UIMC1: variants seen among roughly 807,000 people sequenced by gnomAD.
UIMC1 encodes the protein ubiquitin interaction motif containing 1.
In UIMC1, 42 loss-of-function variants were observed where a neutral mutation model predicts 84.9. The ratio of observed to expected loss-of-function variants is 0.49; its 90% CI spans 0.39 to 0.64. The LOEUF (loss-of-function observed/expected upper bound fraction) is 0.64. Ranked by LOEUF, UIMC1 falls within the 30% of genes least tolerant of loss-of-function variation. The pLI, the probability that UIMC1 is intolerant of heterozygous loss-of-function variation, is 0.00. For missense variants in UIMC1, 825 were observed against 847.6 expected (o/e 0.97, Z 0.33); for synonymous variants, 281 against 293.0 (o/e 0.96, Z 0.42).
intron 1 of UIMC1, among the ~76,000 whole-genome samples, chr5:176,989,135 G>C (rs1444921339): frequency 1.3e-5 from 2 of 151,690 alleles, no homozygotes; most frequent in Admixed American, 1.3e-4. Flanking sequence ...TACTCCTAAG[G>C]GGGTTGTTAC....
intron 1 of UIMC1, among the ~76,000 whole-genome samples, chr5:177,021,182 G>A (rs189191601): frequency 3.3e-5 from 5 of 152,280 alleles, no homozygotes; most frequent in East Asian, 1.9e-4. Flanking sequence ...GGAGGCTGAG[G>A]CTGGAGAATT....
intron 3 of UIMC1, 99 bp downstream of exon 3, chr5:176,975,297 T>A (rs1010998987): frequency 1.7e-6 from 2 of 1,184,256 alleles, no homozygotes; most frequent in East Asian, 4.8e-5. Flanking sequence ...CTTGAATCTA[T>A]CAGAGACCTA....
chr5:176,967,164 C>G (rs1174218326), intron 6 of UIMC1, among the ~76,000 whole-genome samples: 5 of 151,850 alleles, frequency 3.3e-5, no homozygotes, highest in Non-Finnish European at 7.4e-5. Flanking sequence ...TTTGGTCCAC[C>G]AATTACAGCT....
At chr5:176,976,654 A>G (rs535439176) in intron 2 of UIMC1, among the ~76,000 whole-genome samples, 1 of 152,384 alleles carries the variant, frequency 6.6e-6, no homozygotes, top group Admixed American at 6.5e-5. Context: ...TTGAAAATAT[A>G]TAATTGAAAG....
rs1406815152 is a variant in UIMC1, at chr5:177,020,576, G to A, written c.-9+1888C>T. ...CTCCCGAGTAGCTGGGACTACAGGC[G>A]CCCGCCACCACGCCCGGCTAATTTT... On this transcript the variant is annotated intron_variant, in intron 1 of 5. Coordinates refer to the UIMC1 transcript ENST00000509236. Among the ~76,000 whole-genome samples the A allele has an allele frequency of 2.6e-5, 4 of 152,012 alleles. 1 individual carries two copies. Among genetic ancestry groups the A allele is most frequent in the East Asian group, 3.9e-4 (2 of 5,178 alleles).
chr5:176,910,044 C>A lies in UIMC1; in HGVS notation c.1676+1267G>T, dbSNP rs189333461. On this transcript the variant is annotated intron_variant, in intron 11 of 14. Transcript: ENST00000511320. ...ACAGCTATTATTGCTGTCTCAGATA[C>A]ATTTTATTAGAAGCTGGGGATATAA... is the stretch of plus-strand genomic sequence containing the variant. Among the ~76,000 whole-genome samples the A allele has an allele frequency of 6.2e-4, 94 of 152,328 alleles. 1 individual carries two copies. The highest frequency in any genetic ancestry group is 2.2e-3 in the African/African-American group (92 of 41,574).
chr5:176,963,749 A>C (rs1225421231), intron 6 of UIMC1, among the ~76,000 whole-genome samples: 2 of 152,126 alleles, frequency 1.3e-5, no homozygotes, highest in Admixed American at 6.6e-5. Flanking sequence ...TCTATTCCAT[A>C]ATAAATAAAT....
chr5:176,989,656 CA>C (rs57582576), intron 1 of UIMC1, among the ~76,000 whole-genome samples: 41 of 134,498 alleles, frequency 3.0e-4, no homozygotes, highest in East Asian at 4.3e-4. Context: ...GACCCTGCCT[CA>C]AAAAAAAAAA....
intron 1 of UIMC1, among the ~76,000 whole-genome samples, chr5:176,986,893 G>T (rs1772108516): frequency 6.6e-6 from 1 of 151,946 alleles, no homozygotes. Context: ...GACATGACCT[G>T]TGTTTAAAAA....
chr5:176,984,738 T>G (rs2149511280), intron 1 of UIMC1, among the ~76,000 whole-genome samples: 1 of 152,328 alleles, frequency 6.6e-6, no homozygotes, highest in East Asian at 1.9e-4. Context: ...TCCATTTTGT[T>G]CTGTACTAAG....
chr5:176,938,749 T>C (rs17078653), intron 10 of UIMC1, among the ~76,000 whole-genome samples: 14,520 of 151,428 alleles, frequency 0.096, 1,454 homozygotes, highest in African/African-American at 0.26. Flanking sequence ...AAGCCCACTC[T>C]TTCTGGGATC....
chr5:176,960,058 A>G (rs919347094), intron 6 of UIMC1, among the ~76,000 whole-genome samples: 1 of 152,248 alleles, frequency 6.6e-6, no homozygotes, highest in African/African-American at 2.4e-5. Flanking sequence ...TTGTGCTTCT[A>G]TTCAGTGCCA....
intron 1 of UIMC1, among the ~76,000 whole-genome samples, chr5:176,998,280 G>A (rs353474): frequency 0.57 from 85,919 of 151,090 alleles, 25,793 homozygotes; most frequent in African/African-American, 0.78. Flanking sequence ...CCTGGCCAAC[G>A]TGGTGAAACC....
chr5:177,004,335 T>C (rs577699061), intron 1 of UIMC1, among the ~76,000 whole-genome samples: 2 of 152,250 alleles, frequency 1.3e-5, no homozygotes, highest in South Asian at 4.1e-4. Context: ...TTCATGAGAT[T>C]TAGCCACATT....
chr5:176,936,516 C>T (rs1754861032), intron 10 of UIMC1, among the ~76,000 whole-genome samples: 1 of 152,150 alleles, frequency 6.6e-6, no homozygotes, highest in South Asian at 2.1e-4. Context: ...ATTCTTTGCT[C>T]AAGTCCCTCC....
chr5:176,991,658 C>T (rs1482146536), intron 1 of UIMC1, among the ~76,000 whole-genome samples: 1 of 146,598 alleles, frequency 6.8e-6, no homozygotes, highest in Non-Finnish European at 1.5e-5. Context: ...AAAGGCCAGG[C>T]GCGGTGGCTC....
intron 1 of UIMC1, among the ~76,000 whole-genome samples, chr5:176,991,863 C>T (rs1404817215): frequency 5.9e-5 from 9 of 152,044 alleles, no homozygotes; most frequent in Admixed American, 5.9e-4. Flanking sequence ...ACCTGGGAGG[C>T]AGAGCTTGCA....
intron 1 of UIMC1, among the ~76,000 whole-genome samples, chr5:176,990,044 G>C (rs1173682442): frequency 6.6e-6 from 1 of 152,062 alleles, no homozygotes; most frequent in Admixed American, 6.6e-5. Context: ...AGCCAGGCGT[G>C]GTGGCGGGAG....
At position 176,905,488 on chromosome 5, in the gene UIMC1, G is replaced by A; in HGVS notation, c.1954C>T (p.Pro652Ser). Residue 652 changes from proline to serine, a missense_variant, in exon 15 of 15, where the codon CCT (proline) becomes TCT (serine). Transcript: ENST00000511320. ...CCTGCCTCTTCCATCCCTGGTGAAGGCACCCTAGAGAGAAGGAAAAAAATT... is the reference window on the plus strand; with the variant it reads ...CCTGCCTCTTCCATCCCTGGTGAAGACACCCTAGAGAGAAGGAAAAAAATT... ...KSSETGAFRVPSPGMEEAGCS... is the reference protein window; with the variant it reads ...KSSETGAFRVSSPGMEEAGCS... The A allele has an allele frequency of 6.2e-7, 1 of 1,613,328 alleles. No homozygotes were observed.
Sources: gnomAD v4.1 joint callset for allele counts (sites outside exome capture counted in the v4.1 genomes callset) on GRCh38, gnomAD v4.1.1 for gene constraint, MANE v1.5 for transcripts, NCBI Gene and HGNC (gene_info 2026-07-23, HGNC 2026-07-21) for gene names.